PXDNL: variants seen among roughly 807,000 people sequenced by gnomAD.
The protein encoded by PXDNL is peroxidasin like, also known as probable oxidoreductase PXDNL.
PXDNL carries 145 observed loss-of-function variants against 150.8 expected under a neutral mutation model. The ratio of observed to expected loss-of-function variants is 0.96; its 90% confidence interval spans 0.84 to 1.10. PXDNL has a LOEUF of 1.10. Ranked by LOEUF, PXDNL falls within the 50% of genes least tolerant of loss-of-function variation. The pLI, the probability that PXDNL is intolerant of heterozygous loss-of-function variation, is 0.00. For missense variants in PXDNL, 2,087 were observed against 1,873.9 expected, an observed-to-expected ratio of 1.11 and a Z score of -2.10; for synonymous variants, 757 against 725.7, an observed-to-expected ratio of 1.04 and a Z score of -0.69.
At chr8:51,463,262 A>G (rs1199963650) in intron 8 of PXDNL, among the ~76,000 whole-genome samples, 2 of 152,214 alleles carry the variant, frequency 1.3e-5, no homozygotes, top group South Asian at 2.1e-4. Context: ...CAAGAAGATC[A>G]AAACATCACA....
At chr8:51,746,571 C>T (rs541155289) in intron 1 of PXDNL, among the ~76,000 whole-genome samples, 1 of 152,204 alleles carries the variant, frequency 6.6e-6, no homozygotes, top group African/African-American at 2.4e-5. Flanking sequence ...TCTGGGGCAA[C>T]AGATAAGTCC....
chr8:51,448,595 C>T (rs1400570423), intron 11 of PXDNL, among the ~76,000 whole-genome samples: 1 of 151,964 alleles, frequency 6.6e-6, no homozygotes, highest in African/African-American at 2.4e-5. Context: ...GTCCCAGCTA[C>T]AGGCTGAGGC....
At chr8:51,803,625 G>C (rs1490773020) in intron 1 of PXDNL, among the ~76,000 whole-genome samples, 1 of 152,180 alleles carries the variant, frequency 6.6e-6, no homozygotes, top group Non-Finnish European at 1.5e-5. Flanking sequence ...CAGGACCACA[G>C]TGTTGCACAG....
intron 5 of PXDNL, among the ~76,000 whole-genome samples, chr8:51,492,415 G>A (rs1222152664): frequency 1.3e-5 from 2 of 152,078 alleles, no homozygotes; most frequent in Non-Finnish European, 2.9e-5. Flanking sequence ...CATCTCACTG[G>A]AGAGTGTCAG....
intron 4 of PXDNL, among the ~76,000 whole-genome samples, chr8:51,532,712 C>T (rs947452587): frequency 1.3e-5 from 2 of 152,174 alleles, no homozygotes; most frequent in African/African-American, 2.4e-5. Flanking sequence ...GTCTCCCCAA[C>T]GAGATATTAG....
Position 51,319,720 on chromosome 8 carries a change from T to C in PXDNL, c.*171A>G. The C allele has an allele frequency of 2.2e-6, 1 of 449,538 alleles. No individual in the cohort carries two copies. Among genetic ancestry groups the C allele is most frequent in the African/African-American group, 2.0e-5 (1 of 49,286 alleles). 27.8% of individuals were successfully genotyped at this position (449,538 alleles called of 1,614,324 possible). On this transcript the variant is annotated 3_prime_UTR_variant, in exon 23 of 23. Transcript: ENST00000356297. ...AGTTTTGAATTATTTCAAGGTATGT[T>C]AGAAAATGAAAAAATAAAAGATCGT...
chr8:51,527,289 G>A (rs1811789283), intron 4 of PXDNL, among the ~76,000 whole-genome samples: 1 of 152,058 alleles, frequency 6.6e-6, no homozygotes, highest in African/African-American at 2.4e-5. Context: ...TGTTGTTTCA[G>A]TTCCCTACCT....
intron 12 of PXDNL, among the ~76,000 whole-genome samples, chr8:51,446,489 C>A (rs933696169): frequency 1.3e-5 from 2 of 151,822 alleles, no homozygotes; most frequent in African/African-American, 4.8e-5. Context: ...TGATTTTTTT[C>A]CCTTTTTATA....
intron 2 of PXDNL, among the ~76,000 whole-genome samples, chr8:51,642,841 A>T (rs538245338): frequency 9.8e-4 from 150 of 152,338 alleles, no homozygotes; most frequent in African/African-American, 3.4e-3. Context: ...AACTTCAGCA[A>T]AGTCTCAGGA....
At chr8:51,694,124 G>A (rs1339694164) in intron 1 of PXDNL, among the ~76,000 whole-genome samples, 18 of 152,294 alleles carry the variant, frequency 1.2e-4, no homozygotes, top group Middle Eastern at 3.4e-3. Flanking sequence ...ATGGGAGGCC[G>A]AGGTGGGCGG....
chr8:51,440,350 G>A (rs1456097144), intron 12 of PXDNL, among the ~76,000 whole-genome samples: 1 of 151,882 alleles, frequency 6.6e-6, no homozygotes, highest in East Asian at 1.9e-4. Context: ...GGTAATGGGT[G>A]CACCAAAATC....
rs550280199 is a variant in PXDNL at position 51,690,584 on chromosome 8, G to A, written c.165-35824C>T. Among the ~76,000 whole-genome samples, 31 of 152,250 alleles carry A rather than the reference G, an allele frequency of 2.0e-4. 1 individual carries two copies. Among genetic ancestry groups the A allele is most frequent in the African/African-American group, 6.5e-4 (27 of 41,562 alleles). On this transcript the variant is annotated intron_variant, in intron 1 of 22. Coordinates refer to ENST00000356297, the MANE Select transcript of PXDNL (RefSeq NM_144651.5). ...CAGTCTATCATTGTTGGACATTTGG[G>A]TTGGTTCCAAGTCTTTGCTATTGTG...
intron 3 of PXDNL, among the ~76,000 whole-genome samples, chr8:51,565,335 T>TAGAC (rs1334761536): frequency 2.0e-5 from 3 of 151,054 alleles, no homozygotes; most frequent in African/African-American, 4.9e-5. Flanking sequence ...GATAGATAGA[T>TAGAC]AGATAGATAA....
chr8:51,338,180 C>A (rs1805884841), intron 21 of PXDNL, among the ~76,000 whole-genome samples: 1 of 102,792 alleles, frequency 9.7e-6, no homozygotes, highest in Non-Finnish European at 1.8e-5. Context: ...GAGACTCCAT[C>A]TCAAAAAAAA....
At chr8:51,362,587 T>C (rs1218915438) in intron 19 of PXDNL, among the ~76,000 whole-genome samples, 1 of 152,212 alleles carries the variant, frequency 6.6e-6, no homozygotes, top group Non-Finnish European at 1.5e-5. Context: ...CTACTTTTTT[T>C]TTGGTTTGAG....
chr8:51,616,274 C>T (rs1814128815), intron 2 of PXDNL, among the ~76,000 whole-genome samples: 2 of 152,138 alleles, frequency 1.3e-5, no homozygotes, highest in African/African-American at 4.8e-5. Context: ...CTAAAGCATC[C>T]ATATGAGAGC....
chr8:51,391,011 T>C (rs1248063531), intron 17 of PXDNL, among the ~76,000 whole-genome samples: 1 of 152,164 alleles, frequency 6.6e-6, no homozygotes, highest in Non-Finnish European at 1.5e-5. Flanking sequence ...TTTTTTGTCC[T>C]TGCGATAGTT....
chr8:51,506,645 T>A (rs1811300488), intron 4 of PXDNL, among the ~76,000 whole-genome samples: 1 of 151,736 alleles, frequency 6.6e-6, no homozygotes, highest in Non-Finnish European at 1.5e-5. Flanking sequence ...TCTTTCTCAC[T>A]CTTTGTTCAA....
chr8:51,641,257 C>T (rs199914267), intron 2 of PXDNL, among the ~76,000 whole-genome samples: 126 of 151,186 alleles, frequency 8.3e-4, no homozygotes, highest in African/African-American at 2.8e-3. Context: ...AACCCTAGAA[C>T]AAAACCTAGG....
Sources: gnomAD v4.1 joint callset for allele counts (sites outside exome capture counted in the v4.1 genomes callset) on GRCh38, gnomAD v4.1.1 for gene constraint, MANE v1.5 for transcripts, NCBI Gene and HGNC (gene_info 2026-07-23, HGNC 2026-07-21) for gene names.